WRN: variants seen among roughly 807,000 people sequenced by gnomAD.
WRN encodes the protein WRN RecQ like helicase, also known as bifunctional 3'-5' exonuclease/ATP-dependent helicase WRN.
In WRN, 149 loss-of-function variants were observed where a neutral mutation model predicts 180.7. The ratio of observed to expected loss-of-function variants is 0.82; its 90% confidence interval spans 0.72 to 0.94. WRN has a LOEUF of 0.94. Ranked by LOEUF, WRN falls within the 40% of genes least tolerant of loss-of-function variation. The probability of loss-of-function intolerance (pLI) is 0.00; values close to 1 mark genes in which losing one functional copy is unlikely to be tolerated. For synonymous variants in WRN, 548 were observed against 568.9 expected (o/e 0.96, Z 0.52); for missense variants, 1,661 against 1,700.1 (o/e 0.98, Z 0.40).
chr8:31,159,652 G>A (rs1344616485), intron 33 of WRN, among the ~76,000 whole-genome samples: 2 of 148,632 alleles, frequency 1.3e-5, no homozygotes, highest in Non-Finnish European at 3.0e-5. Context: ...TTAAAAAAAG[G>A]TGTTGCGCCA....
intron 33 of WRN, among the ~76,000 whole-genome samples, chr8:31,163,599 ATTAAC>A (rs1425492912): frequency 1.3e-5 from 2 of 152,160 alleles, no homozygotes; most frequent in Non-Finnish European, 2.9e-5. Context: ...AGTGAAACAA[ATTAAC>A]TTATTTATAA....
intron 1 of WRN, among the ~76,000 whole-genome samples, chr8:31,050,381 A>G (rs889923376): frequency 2.0e-5 from 3 of 152,164 alleles, no homozygotes; most frequent in African/African-American, 7.2e-5. Flanking sequence ...TTTTAAAATT[A>G]TTAGTAAATG....
At position 31,065,064 on chromosome 8, in the gene WRN, G is replaced by T. The variant is rs1163988347; in HGVS notation, c.504+1G>T. ...GTTGACAGATGTTGCCAATAAAAAG[G>T]TAAAAGCAATATATATATAATTTTC... On this transcript the variant is annotated splice_donor_variant, in intron 5 of 34. Coordinates refer to ENST00000298139, the MANE Select transcript of WRN (RefSeq NM_000553.6). LOFTEE classifies it high-confidence loss of function. The T allele has an allele frequency of 1.2e-5, 20 of 1,611,798 alleles. No individual in the cohort carries two copies. Among genetic ancestry groups the T allele is most frequent in the Non-Finnish European group, 1.6e-5 (19 of 1,178,690 alleles).
intron 20 of WRN, among the ~76,000 whole-genome samples, chr8:31,117,498 G>T (rs1171223228): frequency 6.6e-6 from 1 of 152,072 alleles, no homozygotes; most frequent in South Asian, 2.1e-4. Context: ...TGGCTCAGTG[G>T]GTGTCATAGA....
chr8:31,121,372 CTG>C (rs776186153), intron 21 of WRN, among the ~76,000 whole-genome samples: 5 of 151,910 alleles, frequency 3.3e-5, no homozygotes, highest in Non-Finnish European at 5.9e-5. Flanking sequence ...TGATTGTCCA[CTG>C]TGTTCCATGA....
At chr8:31,079,836 T>C (rs1392856921) in intron 8 of WRN, among the ~76,000 whole-genome samples, 1 of 152,038 alleles carries the variant, frequency 6.6e-6, no homozygotes, top group Admixed American at 6.5e-5. Flanking sequence ...AATTGATCAG[T>C]GAGGTGAAAA....
intron 1 of WRN, among the ~76,000 whole-genome samples, chr8:31,040,188 T>C (rs931917360): frequency 6.6e-6 from 1 of 152,184 alleles, no homozygotes; most frequent in African/African-American, 2.4e-5. Context: ...CTTACTAAGA[T>C]GGGAAATATA....
chr8:31,145,898 A>G (rs961865167), intron 28 of WRN, among the ~76,000 whole-genome samples: 1 of 152,114 alleles, frequency 6.6e-6, no homozygotes, highest in African/African-American at 2.4e-5. Flanking sequence ...TCCAGAAGTT[A>G]ATTTAAATAT....
rs111508101 is a variant in WRN at position 31,074,500 on chromosome 8, G to A, written c.725-1673G>A. 3.9e-5 allele frequency among the ~76,000 whole-genome samples: 6 copies of A among 152,260 alleles called. 1 individual carries two copies. The highest frequency in any genetic ancestry group is 1.4e-4 in the African/African-American group (6 of 41,526). On this transcript the variant is annotated intron_variant, in intron 7 of 34. Transcript: ENST00000298139. ...TAGGAGGGTCAAACAGGTGTTAGAA[G>A]TTCACAAAGAAAGGAAGAGGTTTGA... is the stretch of plus-strand genomic sequence containing the variant.
rs949674189 is a variant in WRN at position 31,150,592 on chromosome 8, G to A, written c.3687+137G>A. 6.7e-6 allele frequency: 5 copies of A among 741,036 alleles called. No homozygotes were observed. The African/African-American group carries it at 7.1e-5, about 10-fold the overall frequency. 45.9% of individuals were successfully genotyped at this position (741,036 alleles called of 1,614,324 possible). ...GACACTTAGAAAATGAATTAAAATT[G>A]TTTTTACAGTCAATCTGTTGTAAAA... is the stretch of plus-strand genomic sequence containing the variant. On this transcript the variant is annotated intron_variant, in intron 31 of 34. Transcript: ENST00000298139.
Position 31,064,272 on chromosome 8 carries a change from T to G in WRN, c.210-17T>G, listed in dbSNP as rs368380436. Reference sequence around the variant, plus strand: ...AATTTTAACATAAATTAATTTACACTATTTTTCTCACTTTAGCATGAGTCT... The same window carrying G: ...AATTTTAACATAAATTAATTTACACGATTTTTCTCACTTTAGCATGAGTCT... On this transcript the variant is annotated splice_polypyrimidine_tract_variant and intron_variant, in intron 3 of 34. Transcript: ENST00000298139. The G allele has an allele frequency of 2.6e-4, 418 of 1,613,796 alleles. 1 individual carries two copies. Among genetic ancestry groups the G allele is most frequent in the Admixed American group, 1.0e-3 (61 of 60,022 alleles).
At chr8:31,163,110 G>C (rs753954724) in intron 33 of WRN, among the ~76,000 whole-genome samples, 2 of 152,326 alleles carry the variant, frequency 1.3e-5, no homozygotes, top group South Asian at 2.1e-4. Context: ...GTGTGCACAC[G>C]CGCACGCATG....
At chr8:31,037,800 T>C (rs1321924953) in intron 1 of WRN, among the ~76,000 whole-genome samples, 1 of 152,230 alleles carries the variant, frequency 6.6e-6, no homozygotes, top group Non-Finnish European at 1.5e-5. Context: ...TAGTATATTT[T>C]GAAGTCAGGT....
intron 18 of WRN, among the ~76,000 whole-genome samples, chr8:31,104,606 T>C (rs1357499694): frequency 6.6e-6 from 1 of 152,238 alleles, no homozygotes; most frequent in Non-Finnish European, 1.5e-5. Flanking sequence ...GATTTTCTCC[T>C]GTGGTTCTTT....
intron 27 of WRN, 117 bp downstream of exon 27, chr8:31,142,818 C>A: frequency 2.2e-6 from 2 of 929,272 alleles, no homozygotes; most frequent in Non-Finnish European, 3.2e-6. Flanking sequence ...TATAACAAAG[C>A]ATAAAATTCG....
chr8:31,057,439 C>T (rs1303101782), intron 1 of WRN, among the ~76,000 whole-genome samples: 10 of 152,006 alleles, frequency 6.6e-5, no homozygotes, highest in Admixed American at 1.3e-4. Flanking sequence ...GGCTTGGTGG[C>T]GGGCGCCTGT....
intron 1 of WRN, among the ~76,000 whole-genome samples, chr8:31,054,907 A>C (rs1441910254): frequency 6.6e-6 from 1 of 152,028 alleles, no homozygotes; most frequent in Middle Eastern, 3.2e-3. Context: ...TCCAGGACCC[A>C]GTGTGTGTTG....
At chr8:31,090,653 G>A in intron 14 of WRN, 121 bp downstream of exon 14, 1 of 1,152,082 alleles carries the variant, frequency 8.7e-7, no homozygotes, top group Non-Finnish European at 1.3e-6. Context: ...GTAAACTATA[G>A]AAGAGAGTGA....
chr8:31,084,200 T>C (rs769670743), intron 10 of WRN, among the ~76,000 whole-genome samples: 1 of 152,138 alleles, frequency 6.6e-6, no homozygotes, highest in Non-Finnish European at 1.5e-5. Flanking sequence ...GGTCTCACCA[T>C]GTTGTCCTTG....
Sources: allele counts gnomAD v4.1 joint callset (sites outside exome capture counted in the v4.1 genomes callset), GRCh38; gene constraint gnomAD v4.1.1; transcripts MANE v1.5; gene names NCBI Gene and HGNC (gene_info 2026-07-23, HGNC 2026-07-21).